EDC3: variants seen among roughly 807,000 people sequenced by gnomAD.
The protein encoded by EDC3 is enhancer of mRNA decapping 3.
Under a neutral mutation model 41.8 loss-of-function variants are expected in EDC3, and 20 were observed. The observed-to-expected ratio is 0.48, with a 90% CI of 0.34 to 0.70. EDC3 has a LOEUF of 0.70. Ranked by LOEUF, EDC3 falls within the 30% of genes least tolerant of loss-of-function variation. The probability of loss-of-function intolerance (pLI) is 0.01; values close to 1 mark genes in which losing one functional copy is unlikely to be tolerated. For synonymous variants in EDC3, 206 were observed against 243.2 expected (o/e 0.85, Z 1.42); for missense variants, 444 against 636.8 (o/e 0.70, Z 3.26).
intron 4 of EDC3, among the ~76,000 whole-genome samples, chr15:74,654,168 G>T (rs928768758): frequency 3.3e-5 from 5 of 151,526 alleles, no homozygotes; most frequent in African/African-American, 1.2e-4. Context: ...CAGGAGAATC[G>T]CTTGAACCCA....
intron 1 of EDC3, among the ~76,000 whole-genome samples, chr15:74,691,112 G>C (rs2063002538): frequency 6.6e-6 from 1 of 151,700 alleles, no homozygotes; most frequent in Non-Finnish European, 1.5e-5. Context: ...ACTCCAGCCT[G>C]GGTGGCAGAG....
At chr15:74,646,774 T>A (rs1255233485) in intron 4 of EDC3, among the ~76,000 whole-genome samples, 2 of 152,000 alleles carry the variant, frequency 1.3e-5, no homozygotes, top group Non-Finnish European at 2.9e-5. Context: ...GGGTAGAAAG[T>A]AAGAACAGAA....
intron 1 of EDC3, among the ~76,000 whole-genome samples, chr15:74,682,342 G>C (rs1319644080): frequency 1.3e-5 from 2 of 151,930 alleles, no homozygotes; most frequent in Non-Finnish European, 2.9e-5. Context: ...CCCAAGGCTG[G>C]GCACGGTGGC....
chr15:74,673,837 CAA>C (rs748537794), intron 2 of EDC3, among the ~76,000 whole-genome samples: 17 of 47,216 alleles, frequency 3.6e-4, no homozygotes, highest in Admixed American at 1.2e-3. Flanking sequence ...GAGACTCCAT[CAA>C]AAAAAAAAAA....
intron 1 of EDC3, among the ~76,000 whole-genome samples, chr15:74,691,457 A>T (rs1003410420): frequency 6.6e-6 from 1 of 152,212 alleles, no homozygotes. Context: ...TCACATAGGG[A>T]ACTTAAGTTA....
chr15:74,660,431 ATATGTG>A (rs981542711), intron 3 of EDC3, among the ~76,000 whole-genome samples: 12 of 149,132 alleles, frequency 8.0e-5, no homozygotes, highest in East Asian at 1.9e-4. Flanking sequence ...ATATATATAT[ATATGTG>A]TGTGTGTGTG....
intron 4 of EDC3, among the ~76,000 whole-genome samples, chr15:74,646,070 T>TG (rs2062414558): frequency 6.7e-6 from 1 of 150,174 alleles, no homozygotes; most frequent in South Asian, 2.1e-4. Context: ...TTTTGTTTTT[T>TG]TTTTTTTTTT....
intron 1 of EDC3, among the ~76,000 whole-genome samples, chr15:74,691,181 CT>C (rs1285990338): frequency 6.6e-6 from 1 of 151,952 alleles, no homozygotes; most frequent in Admixed American, 6.6e-5. Context: ...ATCACAGCCC[CT>C]GGTTCACTTC....
intron 4 of EDC3, among the ~76,000 whole-genome samples, chr15:74,652,291 G>A (rs1310096049): frequency 1.3e-5 from 2 of 150,348 alleles, no homozygotes; most frequent in African/African-American, 2.5e-5. Context: ...GCAGTGCTGC[G>A]ATCTCCGCTC....
intron 4 of EDC3, among the ~76,000 whole-genome samples, chr15:74,650,194 A>C (rs2062464810): frequency 6.6e-6 from 1 of 152,160 alleles, no homozygotes; most frequent in Admixed American, 6.6e-5. Flanking sequence ...GATTTGGATC[A>C]TGTCATTTTC....
chr15:74,677,087 G>A (rs920448276), intron 1 of EDC3: 8 of 151,914 alleles, frequency 5.3e-5, no homozygotes, highest in African/African-American at 1.9e-4. Context: ...TTTTGAGATG[G>A]AGTCTTACTC....
chr15:74,674,847 T>G (rs2062783846), intron 2 of EDC3, 114 bp downstream of exon 2: 3 of 1,229,544 alleles, frequency 2.4e-6, no homozygotes, highest in Non-Finnish European at 3.5e-6. Flanking sequence ...AAACCCCATC[T>G]CTACTAAAAA....
intron 3 of EDC3, among the ~76,000 whole-genome samples, chr15:74,659,487 A>AATATATATATAT (rs10601683): frequency 7.0e-4 from 99 of 142,174 alleles, no homozygotes; most frequent in African/African-American, 2.4e-3. Context: ...AAAAAATAGA[A>AATATATATATAT]ATATATATAT....
rs10601683 is a variant in EDC3 at position 74,659,487 on chromosome 15, AATATAT to A, written c.485-3425_485-3420del. ...AAAAAATAAATAAATAAAAAATAGA[AATATAT>A]ATATATATATATATATATAGGCAAA... is the stretch of plus-strand genomic sequence containing the variant. On this transcript the variant is annotated intron_variant, in intron 3 of 6. Transcript: ENST00000315127. Among the ~76,000 whole-genome samples, 1,378 of 142,076 alleles carry A rather than the reference AATATAT, an allele frequency of 9.7e-3. 29 individuals carry two copies. Among genetic ancestry groups the A allele is most frequent in the African/African-American group, 0.03 (1,134 of 38,030 alleles). 93.2% of individuals were successfully genotyped at this position (142,076 alleles called of 152,430 possible).
chr15:74,677,357 GC>G (rs1489287049), intron 1 of EDC3, among the ~76,000 whole-genome samples: 4 of 135,236 alleles, frequency 3.0e-5, no homozygotes, highest in Non-Finnish European at 6.2e-5. Flanking sequence ...ACCATGCCCA[GC>G]CTTTTTTTTT....
At chr15:74,641,671 G>GCC (rs969570034) in intron 4 of EDC3, 1 of 152,798 alleles carries the variant, frequency 6.5e-6, no homozygotes, top group African/African-American at 2.4e-5. Flanking sequence ...CAATCAGCAA[G>GCC]CCACTGTGGG....
rs891531834 is a variant in EDC3 at position 74,664,113 on chromosome 15, A to C, written c.484+7342T>G. ...AAGCAGAGTGTGAAAAATATTTCCC[A>C]AGAGGAAATACTGACATCACAGGTC... On this transcript the variant is annotated intron_variant, in intron 3 of 6. Coordinates refer to ENST00000315127, the MANE Select transcript of EDC3 (RefSeq NM_025083.5). Among the ~76,000 whole-genome samples, 9 of 152,270 alleles carry C rather than the reference A, an allele frequency of 5.9e-5. No individual in the cohort carries two copies. In the East Asian group the frequency reaches 1.7e-3, roughly 29 times the overall value.
chr15:74,673,551 C>T (rs1321281922), intron 2 of EDC3, among the ~76,000 whole-genome samples: 1 of 200 alleles, frequency 5.0e-3, no homozygotes, highest in Non-Finnish European at 0.011. Flanking sequence ...GATTTGAGGT[C>T]TTGGCTGGGG....
At position 74,671,517 on chromosome 15, in the gene EDC3, T is replaced by C. The variant is rs1357778786; in HGVS notation, c.422A>G (p.Tyr141Cys). The change falls in exon 3 of 7, where the codon TAT becomes TGT. Residue 141 changes from tyrosine to cysteine, a missense_variant. Physicochemically the swap from Tyr to Cys is radical, Grantham distance 194. Around this residue, in one of 3 missense-constraint regions of EDC3, gnomAD observed 200 missense variants for 244.0 expected, o/e 0.82. Transcript: ENST00000315127. The surrounding 1 kb of genome is among the most constrained non-coding windows in gnomAD (Gnocchi z 4.6). ...CAAGGATTCCATGTGCCTGTCGACA[T>C]AGCTCTTTGAGCACTGTTGCTGCTG... ...SPQQQQCSKS[Y>C]VDRHMESLSQ... 9.9e-6 allele frequency: 16 copies of C among 1,614,116 alleles called. No homozygotes were observed. Among genetic ancestry groups the C allele is most frequent in the Non-Finnish European group, 1.4e-5 (16 of 1,180,056 alleles).
Sources: gnomAD v4.1 joint callset for allele counts (sites outside exome capture counted in the v4.1 genomes callset) on GRCh38, gnomAD v4.1.1 for gene constraint, gnomAD v4.1.1 regional missense constraint, Gnocchi (gnomAD v3.1) non-coding constraint, MANE v1.5 for transcripts, NCBI Gene and HGNC (gene_info 2026-07-23, HGNC 2026-07-21) for gene names.